The following COL9A3 variants were observed in gnomAD, a reference collection of about 807,000 sequenced individuals.
COL9A3 encodes the protein collagen type IX alpha 3 chain.
A neutral mutation model predicts 110.2 loss-of-function variants in COL9A3; 82 were observed. The observed-to-expected ratio is 0.74, with a 90% CI of 0.62 to 0.89. The LOEUF (loss-of-function observed/expected upper bound fraction) is 0.89, where lower values mean the gene tolerates loss of function less well. Among genes scored for constraint, COL9A3 ranks in the 40% least tolerant of loss-of-function variants. COL9A3 has a pLI of 0.00. For missense variants in COL9A3, 1,066 were observed against 981.3 expected, an observed-to-expected ratio of 1.09 and a Z score of -1.15; for synonymous variants, 494 against 403.8, an observed-to-expected ratio of 1.22 and a Z score of -2.68.
chr20:62,829,737 CCCTGA>C (rs760371694), intron 21 of COL9A3, 24 bp from the exon 22 acceptor site: 2 of 1,593,996 alleles, frequency 1.3e-6, no homozygotes, highest in Non-Finnish European at 1.7e-6. Context: ...GCAGACCCTG[CCCTGA>C]CACCCTCCTT....
At chr20:62,820,234 T>A (rs1468304044) in intron 5 of COL9A3, among the ~76,000 whole-genome samples, 2 of 151,954 alleles carry the variant, frequency 1.3e-5, no homozygotes, top group African/African-American at 4.8e-5. Context: ...AGGGGGATGG[T>A]TTGGGGGAAC....
chr20:62,825,981 G>A, intron 13 of COL9A3, 111 bp downstream of exon 13: 4 of 1,293,628 alleles, frequency 3.1e-6, no homozygotes, highest in Non-Finnish European at 4.3e-6. Context: ...GGGGTGTTTG[G>A]CCAACACCCA....
At position 62,826,213 on chromosome 20, in the gene COL9A3, G is replaced by A. The variant is rs866460739; in HGVS notation, c.694G>A (p.Gly232Arg). The A allele has an allele frequency of 6.4e-7, 1 of 1,562,114 alleles. No individual in the cohort carries two copies. Among genetic ancestry groups the A allele is most frequent in the Non-Finnish European group, 8.7e-7 (1 of 1,153,872 alleles). The change falls in exon 14 of 32, where the codon GGA becomes AGA. Residue 232 changes from glycine (G) to arginine (R), a missense_variant. Gly to Arg is a moderately radical substitution (Grantham distance 125). Transcript: ENST00000649368. ...PGSVGLQGPR[G>R]LRGLPGPLGP... Reference sequence around the variant, plus strand: ...TGCCTCTCTCTCGCAGGGCCCCCGGGGATTACGAGGACTGCCAGGGCCACT... The same window carrying A: ...TGCCTCTCTCTCGCAGGGCCCCCGGAGATTACGAGGACTGCCAGGGCCACT...
chr20:62,835,853 C>T, intron 26 of COL9A3, 68 bp from the exon 27 acceptor site: 6 of 1,533,146 alleles, frequency 3.9e-6, no homozygotes, highest in East Asian at 2.2e-5. Context: ...TTATTTTATC[C>T]TCAACTGGCT....
chr20:62,837,852 C>G (rs1458999460), intron 30 of COL9A3, among the ~76,000 whole-genome samples: 3 of 152,096 alleles, frequency 2.0e-5, no homozygotes, highest in African/African-American at 7.2e-5. Context: ...TGCGGTGGCT[C>G]ATGCCTGTAA....
chr20:62,837,385 G>GCCCA, intron 30 of COL9A3, 120 bp downstream of exon 30: 1 of 1,085,576 alleles, frequency 9.2e-7, no homozygotes, highest in South Asian at 1.3e-5. Context: ...TGGAACGTGG[G>GCCCA]GGCCTCTCAT....
Position 62,835,815 on chromosome 20 carries a change from C to T in COL9A3, c.1369-106C>T, listed in dbSNP as rs1020546549. On this transcript the variant is annotated intron_variant, in intron 26 of 31. Transcript: ENST00000649368. ...ACCACTGTCAATATTTGGATGTAGT[C>T]TAATAGCAGGTGTGTGGATGATTTG... 9 of 1,125,690 alleles carry T rather than the reference C, an allele frequency of 8.0e-6. No homozygotes were observed. In the African/African-American group the frequency reaches 1.1e-4, roughly 13 times the overall value. 69.7% of individuals were successfully genotyped at this position (1,125,690 alleles called of 1,614,324 possible).
rs1358925319 is a variant in COL9A3 at position 62,836,230 on chromosome 20, C to T, written c.1445C>T (p.Pro482Leu). ...CTGGGCCCCAAAGGCACCCAGGGTCCCAACGGCACCAGCGGTGTTCAGGGT... is the reference window on the plus strand; with the variant it reads ...CTGGGCCCCAAAGGCACCCAGGGTCTCAACGGCACCAGCGGTGTTCAGGGT... ...GELGPKGTQG[P>L]NGTSGVQGVP... Residue 482 changes from proline (P) to leucine (L), a missense_variant, in exon 28 of 32, where the codon CCC (proline) becomes CTC (leucine). Physicochemically the swap from Pro to Leu is moderately conservative, Grantham distance 98. Transcript: ENST00000649368. 1 of 1,613,708 alleles carries T rather than the reference C, an allele frequency of 6.2e-7. No homozygotes were observed. Among genetic ancestry groups the T allele is most frequent in the African/African-American group, 1.3e-5 (1 of 75,074 alleles).
chr20:62,830,587 G>C lies in COL9A3; in HGVS notation c.1286G>C (p.Arg429Pro), dbSNP rs762887076. The change falls in exon 24 of 32, where the codon CGG (arginine) becomes CCG (proline). Residue 429 changes from arginine (R) to proline (P), a missense_variant and splice_region_variant. By Grantham distance (103) the Arg-to-Pro change is moderately radical (BLOSUM62 -2). Coordinates refer to ENST00000649368, the MANE Select transcript of COL9A3 (RefSeq NM_001853.4). ...PQGLRGDVGD[R>P]GPGGAAGPKG... The stretch of plus-strand genomic sequence containing the variant: ...GGCCTCCGAGGTGACGTGGGCGACC[G>C]GGTAAGTGGCCCTCTCAGCAGGAAG... The C allele has an allele frequency of 1.3e-6, 2 of 1,593,690 alleles. No individual in the cohort carries two copies. The highest frequency in any genetic ancestry group is 2.3e-5 in the South Asian group (2 of 88,684).
chr20:62,826,706 C>T, intron 14 of COL9A3, 61 bp from the exon 15 acceptor site: 1 of 1,592,668 alleles, frequency 6.3e-7, no homozygotes, highest in Non-Finnish European at 8.6e-7. Flanking sequence ...TGAGGGAGCA[C>T]TGGGGGGATG....
intron 13 of COL9A3, 34 bp from the exon 14 acceptor site, chr20:62,826,170 C>T: frequency 6.5e-7 from 1 of 1,547,444 alleles, no homozygotes; most frequent in South Asian, 1.2e-5. Context: ...GGAGGTGCAG[C>T]CCCAGCCTCT....
Position 62,837,154 on chromosome 20 carries a change from G to GCTGGCCCCC in COL9A3, c.1680_1688dup (p.Pro567_Gly569dup). On this transcript the variant is annotated inframe_insertion, in exon 30 of 32. Transcript: ENST00000649368. Reference sequence around the variant, plus strand: ...CGGGTCCATTGGTCGGCCCGGTCCAGCTGGCCCCCCTGGGCCCCCAGGACC... The same window carrying GCTGGCCCCC: ...CGGGTCCATTGGTCGGCCCGGTCCAGCTGGCCCCCCTGGCCCCCCTGGGCCCCCAGGACC... 2 of 1,613,192 alleles carry GCTGGCCCCC rather than the reference G, an allele frequency of 1.2e-6. No individual in the cohort carries two copies. The highest frequency in any genetic ancestry group is 1.7e-6 in the Non-Finnish European group (2 of 1,179,980).
chr20:62,819,342 C>A, intron 4 of COL9A3, 49 bp downstream of exon 4: 1 of 1,547,434 alleles, frequency 6.5e-7, no homozygotes. Context: ...CGCTCCGGGT[C>A]CCTGGAGGAG....
chr20:62,828,134 C>T (rs564422984), intron 17 of COL9A3, among the ~76,000 whole-genome samples, 158 bp downstream of exon 17: 41 of 152,240 alleles, frequency 2.7e-4, no homozygotes, highest in Non-Finnish European at 8.8e-5. Context: ...CCACACATTT[C>T]TCTCTTGCCC....
At chr20:62,818,138 C>T (rs896326425) in intron 2 of COL9A3, among the ~76,000 whole-genome samples, 2 of 152,116 alleles carry the variant, frequency 1.3e-5, no homozygotes, top group African/African-American at 2.4e-5. Context: ...TCGGAGGGAC[C>T]GTCTGGGGTG....
rs1336144541 is a variant in COL9A3 at position 62,835,904 on chromosome 20, A to C, written c.1369-17A>C. ...AACAATACACTTAGTTCAAACACACAACTTTTCTCTTCACAGGGTCCCAGC... is the reference window on the plus strand; with the variant it reads ...AACAATACACTTAGTTCAAACACACCACTTTTCTCTTCACAGGGTCCCAGC... On this transcript the variant is annotated splice_polypyrimidine_tract_variant and intron_variant, in intron 26 of 31. Transcript: ENST00000649368. 1.2e-6 allele frequency: 2 copies of C among 1,614,208 alleles called. No homozygotes were observed. Among genetic ancestry groups the C allele is most frequent in the South Asian group, 2.2e-5 (2 of 91,088 alleles).
intron 16 of COL9A3, 28 bp downstream of exon 16, chr20:62,827,322 G>A (rs775137534): frequency 6.2e-7 from 1 of 1,610,684 alleles, no homozygotes; most frequent in South Asian, 1.1e-5. Flanking sequence ...TGGTTCCCTG[G>A]GTCCTTATGT....
chr20:62,824,583 G>A, intron 11 of COL9A3, 82 bp downstream of exon 11: 3 of 1,418,636 alleles, frequency 2.1e-6, no homozygotes, highest in Non-Finnish European at 2.9e-6. Flanking sequence ...TGTGGAGGTG[G>A]CGGGTCCAGA....
At position 62,829,443 on chromosome 20, in the gene COL9A3, C is replaced by G; in HGVS notation, c.1009-12C>G. 1.2e-6 allele frequency: 2 copies of G among 1,612,742 alleles called. No individual in the cohort carries two copies. The highest frequency in any genetic ancestry group is 1.7e-6 in the Non-Finnish European group (2 of 1,179,916). On this transcript the variant is annotated splice_polypyrimidine_tract_variant and intron_variant, in intron 19 of 31. Transcript: ENST00000649368. ...TAACTGGCAGCCCTGACCGCAAGCT[C>G]TCTCCTGGCAGGGCCTCCCTGGACG...
Sources: allele counts gnomAD v4.1 joint callset (sites outside exome capture counted in the v4.1 genomes callset), GRCh38; gene constraint gnomAD v4.1.1; transcripts MANE v1.5; gene names NCBI Gene and HGNC (gene_info 2026-07-23, HGNC 2026-07-21).